The following PRKAR2B variants were observed in gnomAD, a reference collection of about 807,000 sequenced individuals.
PRKAR2B encodes the protein cAMP-dependent protein kinase type II-beta regulatory subunit.
In PRKAR2B, 14 loss-of-function variants were observed where a neutral mutation model predicts 49.9. The observed-to-expected ratio is 0.28, with a 90% CI of 0.19 to 0.44. The LOEUF is 0.44. PRKAR2B is among the 20% of genes least tolerant of loss of function. PRKAR2B has a pLI of 1.00. For synonymous variants in PRKAR2B, 196 were observed against 197.7 expected, an observed-to-expected ratio of 0.99 and a Z score of 0.07; for missense variants, 393 against 537.9, an observed-to-expected ratio of 0.73 and a Z score of 2.67.
At chr7:107,113,075 T>G (rs183635802) in intron 2 of PRKAR2B, among the ~76,000 whole-genome samples, 81 of 152,288 alleles carry the variant, frequency 5.3e-4, no homozygotes, top group African/African-American at 1.9e-3. Flanking sequence ...TTGGGAAGGA[T>G]TCCGTAATAT....
chr7:107,141,095 C>T, intron 5 of PRKAR2B, 142 bp downstream of exon 5: 1 of 560,742 alleles, frequency 1.8e-6, no homozygotes, highest in Non-Finnish European at 3.1e-6. Context: ...CACTGTAAAC[C>T]TGTTGTGAGT....
At chr7:107,059,338 G>A (rs1051947910) in intron 1 of PRKAR2B, among the ~76,000 whole-genome samples, 9 of 151,760 alleles carry the variant, frequency 5.9e-5, no homozygotes, top group Non-Finnish European at 1.0e-4. Context: ...GAGGCCCCTC[G>A]TGTACTCTCT....
chr7:107,084,853 C>T (rs1190212395), intron 2 of PRKAR2B, among the ~76,000 whole-genome samples: 1 of 151,952 alleles, frequency 6.6e-6, no homozygotes, highest in Non-Finnish European at 1.5e-5. Flanking sequence ...TCTCGATCTC[C>T]TGACCTGGTG....
In PRKAR2B at chr7:107,059,449, G is replaced by A. The variant is rs188010816; in HGVS notation, c.308-10832G>A. On this transcript the variant is annotated intron_variant, in intron 1 of 10. Coordinates refer to ENST00000265717, the MANE Select transcript of PRKAR2B (RefSeq NM_002736.3). Reference sequence around the variant, plus strand: ...TGTGGTTTTGTAGTATTACTACATAGGCATTAGGTTAGAAATTTGTATAAA... The same window carrying A: ...TGTGGTTTTGTAGTATTACTACATAAGCATTAGGTTAGAAATTTGTATAAA... 1.7e-3 allele frequency among the ~76,000 whole-genome samples: 264 copies of A among 151,936 alleles called. 3 individuals carry two copies. Among genetic ancestry groups the A allele is most frequent in the South Asian group, 2.9e-3 (14 of 4,806 alleles).
At chr7:107,075,086 G>A (rs1794371380) in intron 2 of PRKAR2B, among the ~76,000 whole-genome samples, 1 of 151,514 alleles carries the variant, frequency 6.6e-6, no homozygotes, top group Non-Finnish European at 1.5e-5. Context: ...GGTTAAATTG[G>A]ATGATTTTTA....
intron 1 of PRKAR2B, among the ~76,000 whole-genome samples, chr7:107,054,684 C>T (rs968097110): frequency 2.0e-5 from 3 of 152,078 alleles, no homozygotes; most frequent in Non-Finnish European, 2.9e-5. Context: ...CTAAGTCTTT[C>T]CTGTATGTGT....
chr7:107,083,442 T>C (rs2116791459), intron 2 of PRKAR2B, among the ~76,000 whole-genome samples: 1 of 152,192 alleles, frequency 6.6e-6, no homozygotes, highest in East Asian at 1.9e-4. Flanking sequence ...CGAGTGCTGT[T>C]TCTCAACTTT....
chr7:107,108,331 A>G (rs773533145), intron 2 of PRKAR2B, among the ~76,000 whole-genome samples: 3 of 152,174 alleles, frequency 2.0e-5, no homozygotes, highest in Non-Finnish European at 4.4e-5. Context: ...TTGCTCAGAT[A>G]GCCAAAGCAA....
intron 2 of PRKAR2B, among the ~76,000 whole-genome samples, chr7:107,112,786 T>C (rs983168783): frequency 6.6e-6 from 1 of 152,186 alleles, no homozygotes; most frequent in Non-Finnish European, 1.5e-5. Context: ...TTTGTAAATA[T>C]GTGTTCTATA....
chr7:107,047,954 A>G (rs1018659248), intron 1 of PRKAR2B, among the ~76,000 whole-genome samples: 3 of 152,242 alleles, frequency 2.0e-5, no homozygotes, highest in Non-Finnish European at 4.4e-5. Flanking sequence ...ATAATACTAT[A>G]TTCTTCTTAA....
At chr7:107,094,097 A>G (rs536970619) in intron 2 of PRKAR2B, among the ~76,000 whole-genome samples, 1 of 152,346 alleles carries the variant, frequency 6.6e-6, no homozygotes, top group African/African-American at 2.4e-5. Context: ...ACTGTCTTCC[A>G]CAACAGTTGA....
intron 1 of PRKAR2B, chr7:107,070,073 T>G: frequency 2.5e-6 from 1 of 408,078 alleles, no homozygotes; most frequent in Non-Finnish European, 4.4e-6. Flanking sequence ...AGTGCTAATT[T>G]AATAGGTAAA....
chr7:107,141,429 G>A (rs1384977404), intron 5 of PRKAR2B, among the ~76,000 whole-genome samples: 3 of 152,146 alleles, frequency 2.0e-5, no homozygotes, highest in African/African-American at 7.2e-5. Flanking sequence ...GGCGGCTCAG[G>A]CCTGCAATCT....
chr7:107,120,566 A>T (rs2115581973), intron 2 of PRKAR2B, among the ~76,000 whole-genome samples: 1 of 152,296 alleles, frequency 6.6e-6, no homozygotes, highest in Non-Finnish European at 1.5e-5. Flanking sequence ...CTATGCCAGA[A>T]TAAACTCCAT....
At chr7:107,132,273 A>G (rs1795616881) in intron 4 of PRKAR2B, among the ~76,000 whole-genome samples, 1 of 152,200 alleles carries the variant, frequency 6.6e-6, no homozygotes, top group African/African-American at 2.4e-5. Context: ...GATGGAGCTA[A>G]GATGTGGATG....
At chr7:107,056,046 T>A (rs1332665186) in intron 1 of PRKAR2B, among the ~76,000 whole-genome samples, 1 of 152,232 alleles carries the variant, frequency 6.6e-6, no homozygotes, top group Non-Finnish European at 1.5e-5. Context: ...CTAGCCAGTT[T>A]TTCCAGCACC....
chr7:107,114,281 T>C (rs1276347974), intron 2 of PRKAR2B, among the ~76,000 whole-genome samples: 1 of 146,092 alleles, frequency 6.8e-6, no homozygotes, highest in Non-Finnish European at 1.5e-5. Context: ...GAAAAAAAAA[T>C]TACACATTAC....
chr7:107,109,519 T>C (rs539655215), intron 2 of PRKAR2B, among the ~76,000 whole-genome samples: 2 of 151,802 alleles, frequency 1.3e-5, no homozygotes, highest in South Asian at 4.2e-4. Flanking sequence ...CACCTCAGCC[T>C]CCTAAATTGT....
chr7:107,084,088 G>T (rs979462826), intron 2 of PRKAR2B, among the ~76,000 whole-genome samples: 1 of 152,144 alleles, frequency 6.6e-6, no homozygotes, highest in Non-Finnish European at 1.5e-5. Flanking sequence ...TGGAAGTTAT[G>T]TTAAATATTT....
Sources: gnomAD v4.1 joint callset for allele counts (sites outside exome capture counted in the v4.1 genomes callset) on GRCh38, gnomAD v4.1.1 for gene constraint, MANE v1.5 for transcripts, NCBI Gene and HGNC (gene_info 2026-07-23, HGNC 2026-07-21) for gene names.